COL23A1: variants seen among roughly 807,000 people sequenced by gnomAD.
COL23A1 encodes the protein collagen alpha-1(XXIII) chain.
A neutral mutation model predicts 99.3 loss-of-function variants in COL23A1; 97 were observed. The observed-to-expected ratio is 0.98, with a 90% CI of 0.83 to 1.16. The LOEUF (loss-of-function observed/expected upper bound fraction) is 1.16. Ranked by LOEUF, COL23A1 falls within the 50% of genes most tolerant of loss-of-function variation. The pLI is 0.00. For synonymous variants in COL23A1, 320 were observed against 308.2 expected, an observed-to-expected ratio of 1.04 and a Z score of -0.40; for missense variants, 762 against 757.4, an observed-to-expected ratio of 1.01 and a Z score of -0.07.
At chr5:178,565,667 C>A (rs548963737) in intron 1 of COL23A1, among the ~76,000 whole-genome samples, 3 of 152,094 alleles carry the variant, frequency 2.0e-5, no homozygotes, top group African/African-American at 7.2e-5. Flanking sequence ...AACCCCCACG[C>A]GGCTGGGATT....
In COL23A1 at chr5:178,365,934, C is replaced by T. The variant is rs556738030; in HGVS notation, c.362-59015G>A. Among the ~76,000 whole-genome samples the T allele has an allele frequency of 1.3e-5, 2 of 152,048 alleles. No homozygotes were observed. Among genetic ancestry groups the T allele is most frequent in the African/African-American group, 4.8e-5 (2 of 41,398 alleles). On this transcript the variant is annotated intron_variant, in intron 2 of 28. Coordinates refer to ENST00000390654, the MANE Select transcript of COL23A1 (RefSeq NM_173465.4). The surrounding 1 kb of genome is among the most constrained non-coding windows in gnomAD (Gnocchi z 5.2). The stretch of plus-strand genomic sequence containing the variant: ...CAGGAAGGGGGGATGGTCAAGCGCA[C>T]CACAGGCTTGGAAGCAGACACGCCC...
intron 2 of COL23A1, among the ~76,000 whole-genome samples, chr5:178,394,594 G>T (rs1337495887): frequency 1.3e-5 from 2 of 152,232 alleles, no homozygotes; most frequent in Admixed American, 1.3e-4. Flanking sequence ...ACATCTTTGG[G>T]TAAACTGAAA....
chr5:178,287,771 C>T (rs73342863), intron 5 of COL23A1, among the ~76,000 whole-genome samples: 3,038 of 152,348 alleles, frequency 0.02, 85 homozygotes, highest in African/African-American at 0.07. Context: ...CCTCAACCCC[C>T]GCACAGGACC....
intron 2 of COL23A1, among the ~76,000 whole-genome samples, chr5:178,448,652 G>A (rs947251612): frequency 2.0e-5 from 3 of 152,178 alleles, no homozygotes; most frequent in African/African-American, 7.2e-5. Context: ...CTTTTATTAT[G>A]AACCCACTCC....
At chr5:178,465,727 C>T (rs1055586311) in intron 2 of COL23A1, among the ~76,000 whole-genome samples, 14 of 152,192 alleles carry the variant, frequency 9.2e-5, no homozygotes, top group Admixed American at 5.2e-4. Context: ...GTGGCGGTCA[C>T]GTCCTCACGA....
At chr5:178,569,336 G>A (rs985184262) in intron 1 of COL23A1, among the ~76,000 whole-genome samples, 2 of 152,108 alleles carry the variant, frequency 1.3e-5, no homozygotes, top group Admixed American at 6.5e-5. Flanking sequence ...ATTTTCTCAC[G>A]TAAATTCTTG....
At chr5:178,346,833 A>G (rs1171246060) in intron 2 of COL23A1, among the ~76,000 whole-genome samples, 1 of 152,178 alleles carries the variant, frequency 6.6e-6, no homozygotes, top group Non-Finnish European at 1.5e-5. Flanking sequence ...GGAGCCTCTG[A>G]AGGCTGCAGA....
chr5:178,410,002 A>G (rs1764980628), intron 2 of COL23A1, among the ~76,000 whole-genome samples: 2 of 152,204 alleles, frequency 1.3e-5, no homozygotes, highest in African/African-American at 4.8e-5. Context: ...GAAAGAAAAT[A>G]CTGACACATT....
At chr5:178,430,991 A>AGG (rs1766231931) in intron 2 of COL23A1, among the ~76,000 whole-genome samples, 1 of 152,144 alleles carries the variant, frequency 6.6e-6, no homozygotes, top group Non-Finnish European at 1.5e-5. Context: ...TGGTGGAGGA[A>AGG]GAGATGCCAG....
rs188280066 is a variant in COL23A1, at chr5:178,588,035, C to G, written c.294+1869G>C. Among the ~76,000 whole-genome samples, 10 of 152,292 alleles carry G rather than the reference C, an allele frequency of 6.6e-5. No homozygotes were observed. In the East Asian group the frequency reaches 1.5e-3, roughly 23 times the overall value. Reference sequence around the variant, plus strand: ...GCCTCAGATACCCAGCTGGGATTAGCGAGCAGGACCACGTGTGAATGGCAC... The same window carrying G: ...GCCTCAGATACCCAGCTGGGATTAGGGAGCAGGACCACGTGTGAATGGCAC... On this transcript the variant is annotated intron_variant, in intron 1 of 28. Transcript: ENST00000390654.
intron 25 of COL23A1, 141 bp downstream of exon 25, chr5:178,245,801 G>A (rs867039464): frequency 2.1e-6 from 2 of 931,272 alleles, no homozygotes; most frequent in African/African-American, 3.2e-5. Context: ...TGGCAATGGG[G>A]ACACAGGGGG....
intron 2 of COL23A1, among the ~76,000 whole-genome samples, chr5:178,547,174 C>T (rs1239212540): frequency 6.6e-6 from 1 of 152,088 alleles, no homozygotes; most frequent in Admixed American, 6.5e-5. Context: ...TTCCGTGACA[C>T]TGAGTGGCAA....
intron 2 of COL23A1, among the ~76,000 whole-genome samples, chr5:178,511,830 C>T (rs936922735): frequency 1.3e-5 from 2 of 152,104 alleles, no homozygotes; most frequent in Admixed American, 6.5e-5. Context: ...TTTCAACATC[C>T]GGGAACACTG....
chr5:178,577,682 C>T (rs529840721), intron 1 of COL23A1, among the ~76,000 whole-genome samples: 1 of 152,364 alleles, frequency 6.6e-6, no homozygotes, highest in South Asian at 2.1e-4. Flanking sequence ...CTCCTCTGGC[C>T]GCGCTGCGCC....
chr5:178,506,039 T>C (rs1490697457), intron 2 of COL23A1, among the ~76,000 whole-genome samples: 1 of 152,146 alleles, frequency 6.6e-6, no homozygotes, highest in Non-Finnish European at 1.5e-5. Flanking sequence ...CCATAGGACA[T>C]ACCCACTCTG....
intron 2 of COL23A1, among the ~76,000 whole-genome samples, chr5:178,545,327 C>T (rs1360259318): frequency 3.3e-5 from 5 of 152,110 alleles, no homozygotes; most frequent in East Asian, 1.9e-4. Flanking sequence ...GCTCAGGTTC[C>T]GCACGAGGCT....
chr5:178,404,237 C>G (rs1008540329), intron 2 of COL23A1, among the ~76,000 whole-genome samples: 1 of 152,204 alleles, frequency 6.6e-6, no homozygotes, highest in African/African-American at 2.4e-5. Context: ...CAAGGAGTGG[C>G]CACACCTTAG....
In COL23A1 at chr5:178,290,350, C is replaced by T. The variant is rs767615615; in HGVS notation, c.414+12G>A. 3.4e-5 allele frequency: 55 copies of T among 1,613,874 alleles called. No individual in the cohort carries two copies. The highest frequency in any genetic ancestry group is 4.3e-5 in the Non-Finnish European group (51 of 1,180,022). On this transcript the variant is annotated intron_variant, in intron 4 of 28. Transcript: ENST00000390654. ...TCTTTCAGAAGCAGACAGCACAGTCCAGGACACTTACTGGAGGACCTGCAA... is the reference window on the plus strand; with the variant it reads ...TCTTTCAGAAGCAGACAGCACAGTCTAGGACACTTACTGGAGGACCTGCAA...
intron 1 of COL23A1, among the ~76,000 whole-genome samples, chr5:178,585,324 C>G (rs1230203404): frequency 6.6e-6 from 1 of 150,438 alleles, no homozygotes; most frequent in Admixed American, 6.6e-5. Flanking sequence ...TGGGGTAACA[C>G]TTGTGGCCCC....
Sources: allele counts gnomAD v4.1 joint callset (sites outside exome capture counted in the v4.1 genomes callset), GRCh38; gene constraint gnomAD v4.1.1; non-coding constraint Gnocchi (gnomAD v3.1); transcripts MANE v1.5; gene names NCBI Gene and HGNC (gene_info 2026-07-23, HGNC 2026-07-21).